Variants in SCFD2 observed in about 807,000 individuals in gnomAD.
SCFD2 encodes the protein sec1 family domain-containing protein 2.
A neutral mutation model predicts 58.9 loss-of-function variants in SCFD2; 54 were observed. The ratio of observed to expected loss-of-function variants is 0.92; its 90% CI spans 0.74 to 1.15. The LOEUF is 1.15. Among genes scored for constraint, SCFD2 ranks in the 50% most tolerant of loss-of-function variants. The probability of loss-of-function intolerance (pLI) is 0.00; values close to 1 mark genes in which losing one functional copy is unlikely to be tolerated. For synonymous variants in SCFD2, 321 were observed against 335.9 expected, an observed-to-expected ratio of 0.96 and a Z score of 0.49; for missense variants, 805 against 836.6, an observed-to-expected ratio of 0.96 and a Z score of 0.47.
chr4:53,233,985 TA>T (rs906437224), intron 4 of SCFD2, among the ~76,000 whole-genome samples: 7 of 152,180 alleles, frequency 4.6e-5, no homozygotes, highest in East Asian at 1.9e-4. Flanking sequence ...CCAGTACTCA[TA>T]AAAAAAGTTA....
At chr4:53,277,793 C>A (rs1731372217) in intron 3 of SCFD2, among the ~76,000 whole-genome samples, 1 of 152,206 alleles carries the variant, frequency 6.6e-6, no homozygotes, top group Admixed American at 6.5e-5. Flanking sequence ...TGGCTCACGC[C>A]TGTAATCGCA....
chr4:53,030,181 C>T (rs937108824), intron 5 of SCFD2, among the ~76,000 whole-genome samples: 2 of 151,960 alleles, frequency 1.3e-5, no homozygotes, highest in Admixed American at 1.3e-4. Context: ...TGATACTTTA[C>T]CTAAGAAGAT....
At chr4:53,206,712 CAATT>C (rs927792159) in intron 4 of SCFD2, among the ~76,000 whole-genome samples, 1 of 151,994 alleles carries the variant, frequency 6.6e-6, no homozygotes, top group Non-Finnish European at 1.5e-5. Flanking sequence ...GGTCATGGAA[CAATT>C]ATTATTTTTC....
intron 2 of SCFD2, among the ~76,000 whole-genome samples, chr4:53,332,041 A>C (rs1733493482): frequency 6.6e-6 from 1 of 152,216 alleles, no homozygotes; most frequent in Non-Finnish European, 1.5e-5. Context: ...CCCAAGACTA[A>C]ACCAGGAAAA....
In SCFD2 at chr4:53,172,283, G is replaced by A. The variant is rs1233657760; in HGVS notation, c.1312-26701C>T. Among the ~76,000 whole-genome samples, 5 of 152,146 alleles carry A rather than the reference G, an allele frequency of 3.3e-5. No homozygotes were observed. The East Asian group carries it at 9.7e-4, about 29-fold the overall frequency. ...CTCCCAAAGTGCTGGGATTACAGGCGTGAGCCACCACACCTGGCCCTGTCA... is the reference window on the plus strand; with the variant it reads ...CTCCCAAAGTGCTGGGATTACAGGCATGAGCCACCACACCTGGCCCTGTCA... On this transcript the variant is annotated intron_variant, in intron 4 of 8. Coordinates refer to ENST00000401642, the MANE Select transcript of SCFD2 (RefSeq NM_152540.4).
intron 5 of SCFD2, among the ~76,000 whole-genome samples, chr4:52,922,032 C>A (rs895884835): frequency 2.0e-5 from 3 of 152,058 alleles, no homozygotes; most frequent in Non-Finnish European, 4.4e-5. Context: ...CCATTAATAC[C>A]CCCATTAGTG....
intron 4 of SCFD2, among the ~76,000 whole-genome samples, chr4:53,209,375 G>C (rs1728534222): frequency 6.6e-6 from 1 of 152,066 alleles, no homozygotes; most frequent in Admixed American, 6.6e-5. Flanking sequence ...TATCCTTAGG[G>C]AACTGGATGC....
At chr4:53,191,935 G>A (rs11133248) in intron 4 of SCFD2, among the ~76,000 whole-genome samples, 62,921 of 151,920 alleles carry the variant, frequency 0.41, 14,653 homozygotes, top group Non-Finnish European at 0.5. Context: ...TAAATGGAAA[G>A]ATAAGTTTAG....
chr4:52,937,117 G>T (rs551134644), intron 5 of SCFD2, among the ~76,000 whole-genome samples: 2 of 152,218 alleles, frequency 1.3e-5, no homozygotes, highest in Non-Finnish European at 2.9e-5. Context: ...CCTCTTGGAG[G>T]AGTTTGCATT....
At chr4:53,191,017 G>A (rs566708597) in intron 4 of SCFD2, among the ~76,000 whole-genome samples, 1 of 152,290 alleles carries the variant, frequency 6.6e-6, no homozygotes, top group South Asian at 2.1e-4. Context: ...TATAAGGGTT[G>A]CATTTACTTT....
intron 5 of SCFD2, among the ~76,000 whole-genome samples, chr4:53,118,787 G>A (rs1332770539): frequency 1.3e-5 from 2 of 152,046 alleles, no homozygotes; most frequent in African/African-American, 2.4e-5. Context: ...CCCTGCTTCT[G>A]CCTTTTAACT....
chr4:53,340,703 C>G (rs1260911149), intron 2 of SCFD2, among the ~76,000 whole-genome samples: 1 of 152,224 alleles, frequency 6.6e-6, no homozygotes, highest in Non-Finnish European at 1.5e-5. Context: ...AACTGTGAGG[C>G]AATTCCCAAT....
intron 5 of SCFD2, among the ~76,000 whole-genome samples, chr4:53,081,252 T>A (rs1724138307): frequency 1.3e-5 from 2 of 152,276 alleles, no homozygotes; most frequent in Non-Finnish European, 2.9e-5. Flanking sequence ...TTTTTCAAAA[T>A]TTTTTTATTT....
chr4:52,950,888 C>T (rs929621830), intron 5 of SCFD2: 2 of 152,110 alleles, frequency 1.3e-5, no homozygotes, highest in Non-Finnish European at 2.9e-5. Context: ...CAGCTCCTTA[C>T]AGTCTTGGCC....
chr4:53,246,424 T>C (rs373259059), intron 4 of SCFD2, among the ~76,000 whole-genome samples: 1 of 152,152 alleles, frequency 6.6e-6, no homozygotes, highest in East Asian at 1.9e-4. Flanking sequence ...GCTGGACACA[T>C]CACACTACCC....
chr4:53,251,859 A>G (rs1730397616), intron 4 of SCFD2, among the ~76,000 whole-genome samples: 1 of 151,474 alleles, frequency 6.6e-6, no homozygotes, highest in South Asian at 2.1e-4. Flanking sequence ...CTCCTATTCA[A>G]CACAGTGTTG....
intron 5 of SCFD2, among the ~76,000 whole-genome samples, chr4:53,028,153 A>T (rs572900559): frequency 5.9e-4 from 89 of 152,094 alleles, no homozygotes; most frequent in African/African-American, 2.1e-3. Context: ...AGGCTGAGGC[A>T]TGAGAATCAC....
At chr4:52,922,858 C>T (rs1029883262) in intron 5 of SCFD2, among the ~76,000 whole-genome samples, 1 of 152,214 alleles carries the variant, frequency 6.6e-6, no homozygotes, top group African/African-American at 2.4e-5. Context: ...TCTCTACATC[C>T]TAACCAATGC....
chr4:53,338,575 CTTT>C (rs56263068), intron 2 of SCFD2, among the ~76,000 whole-genome samples: 9 of 72,314 alleles, frequency 1.2e-4, no homozygotes, highest in African/African-American at 3.6e-4. Context: ...GTATATTTTT[CTTT>C]TTTTTTTTTT....
Sources: allele counts gnomAD v4.1 joint callset (sites outside exome capture counted in the v4.1 genomes callset), GRCh38; gene constraint gnomAD v4.1.1; transcripts MANE v1.5; gene names NCBI Gene and HGNC (gene_info 2026-07-23, HGNC 2026-07-21).